MAP3K19: variants seen among roughly 807,000 people sequenced by gnomAD.
MAP3K19 encodes mitogen-activated protein kinase kinase kinase 19.
MAP3K19 carries 91 observed loss-of-function variants against 114.4 expected under a neutral mutation model. The ratio of observed to expected loss-of-function variants is 0.80; its 90% CI spans 0.67 to 0.95. The LOEUF is 0.95. MAP3K19 is among the 40% of genes least tolerant of loss of function. The probability of loss-of-function intolerance (pLI) is 0.00; values close to 1 mark genes in which losing one functional copy is unlikely to be tolerated. For synonymous variants in MAP3K19, 518 were observed against 530.5 expected (o/e 0.98, Z 0.32); for missense variants, 1,471 against 1,573.2 (o/e 0.94, Z 1.10).
Position 134,999,994 on chromosome 2 carries a change from A to T in MAP3K19, c.257T>A (p.Phe86Tyr). ...RTEGVEITVT[F>Y]PRDVSPPQEM... ...TTGGGGAGGACTGACATCTCTTGGA[A>T]AAGTTACAGTGATCTCAACACCTGT... Residue 86 changes from phenylalanine to tyrosine, a missense_variant, in exon 7 of 13, where the codon TTT becomes TAT. Physicochemically the swap from Phe to Tyr is conservative, Grantham distance 22 (BLOSUM62 3). Coordinates refer to ENST00000392915, the MANE Select transcript of MAP3K19 (RefSeq NM_025052.5). This position sits in a 1 kb window ranked among gnomAD's most constrained non-coding sequence, Gnocchi z 4.1. 6.2e-7 allele frequency: 1 copy of T among 1,611,324 alleles called. No homozygotes were observed. Among genetic ancestry groups the T allele is most frequent in the Non-Finnish European group, 8.5e-7 (1 of 1,177,458 alleles).
intron 2 of MAP3K19, among the ~76,000 whole-genome samples, chr2:135,033,810 CT>C (rs1210923190): frequency 3.5e-4 from 1 of 2,878 alleles, no homozygotes; most frequent in Non-Finnish European, 6.7e-4. Flanking sequence ...GACGGGGTGG[CT>C]GGCCGGGCGG....
At chr2:135,030,027 T>C (rs1042994965) in intron 3 of MAP3K19, among the ~76,000 whole-genome samples, 1 of 152,192 alleles carries the variant, frequency 6.6e-6, no homozygotes, top group African/African-American at 2.4e-5. Flanking sequence ...TTGATAGTGG[T>C]CCTCTGGAGG....
rs1688181036 is a variant in MAP3K19, at chr2:135,024,561, A to G, written c.22+65T>C. 5.6e-6 allele frequency: 8 copies of G among 1,417,380 alleles called. No homozygotes were observed. The Admixed American group carries it at 1.4e-4, about 24-fold the overall frequency. The allele number at this position is 1,417,380 out of a possible 1,614,324, so 87.8% of individuals were successfully genotyped here. A position where few individuals can be genotyped will look rare whatever the true frequency, so the allele number is the denominator to read the frequency against. ...ATGGATCCATCAAACAGATGTAGAA[A>G]AAGAAAGAGATCTAACAGGAATTTT... On this transcript the variant is annotated intron_variant, in intron 4 of 12. Transcript: ENST00000392915.
intron 5 of MAP3K19, among the ~76,000 whole-genome samples, chr2:135,006,848 G>A (rs532053572): frequency 3.9e-4 from 58 of 147,574 alleles, no homozygotes; most frequent in Middle Eastern, 3.9e-3. Context: ...GAGAGAGAGA[G>A]AAAAAAGAAA....
intron 2 of MAP3K19, among the ~76,000 whole-genome samples, chr2:135,031,032 T>C (rs1688367607): frequency 1.3e-5 from 2 of 152,044 alleles, no homozygotes; most frequent in African/African-American, 2.4e-5. Flanking sequence ...CTATTCAATA[T>C]GGTGAGGGGA....
At chr2:134,985,670 A>C (rs1685040100) in intron 10 of MAP3K19, 130 bp downstream of exon 10, 7 of 803,488 alleles carry the variant, frequency 8.7e-6, no homozygotes, top group Non-Finnish European at 1.3e-5. Context: ...GTGATCAAAC[A>C]GTGAGACCTT....
At chr2:134,983,509 C>A in intron 11 of MAP3K19, 167 bp downstream of exon 11, 1 of 614,144 alleles carries the variant, frequency 1.6e-6, no homozygotes. Context: ...CAGTAACTGT[C>A]CTTTCCCTCA....
Position 134,999,934 on chromosome 2 carries a change from T to C in MAP3K19, c.314+3A>G. ...ATCTGATACTTCAAAGAATATTCCT[T>C]ACTTCTTTTCTTTTAAGTCTTCTTG... On this transcript the variant is annotated splice_donor_region_variant and intron_variant, in intron 7 of 12. Transcript: ENST00000392915. The surrounding 1 kb of genome is among the most constrained non-coding windows in gnomAD (Gnocchi z 4.1). 1.3e-6 allele frequency: 2 copies of C among 1,581,488 alleles called. No homozygotes were observed. Among genetic ancestry groups the C allele is most frequent in the East Asian group, 4.5e-5 (2 of 44,690 alleles).
chr2:135,022,271 T>A (rs899216988), intron 4 of MAP3K19, among the ~76,000 whole-genome samples: 18 of 152,200 alleles, frequency 1.2e-4, no homozygotes, highest in South Asian at 8.3e-4. Context: ...TACGTCGTCA[T>A]TGCAAAACCC....
intron 8 of MAP3K19, among the ~76,000 whole-genome samples, chr2:134,993,500 G>A (rs1685757528): frequency 6.6e-6 from 1 of 152,158 alleles, no homozygotes; most frequent in Admixed American, 6.5e-5. Context: ...ATAGTTGTGG[G>A]CAGGAAAGAC....
At chr2:134,985,461 T>C (rs1240200996) in intron 10 of MAP3K19, among the ~76,000 whole-genome samples, 1 of 152,234 alleles carries the variant, frequency 6.6e-6, no homozygotes, top group Non-Finnish European at 1.5e-5. Flanking sequence ...TAATTATGTA[T>C]CTGCTGATAG....
chr2:134,990,816 T>G (rs74840461), intron 9 of MAP3K19, among the ~76,000 whole-genome samples: 21,219 of 152,208 alleles, frequency 0.14, 1,761 homozygotes, highest in Admixed American at 0.21. Context: ...TTGGCTTTAT[T>G]GTAAGAATAC....
chr2:134,997,093 C>T (rs1309427761), intron 8 of MAP3K19, among the ~76,000 whole-genome samples: 8 of 152,088 alleles, frequency 5.3e-5, no homozygotes, highest in Non-Finnish European at 1.2e-4. Flanking sequence ...CAAAAAAACG[C>T]TATCAAGATT....
rs1472049278 is a variant in MAP3K19 at position 134,986,956 on chromosome 2, A to G, written c.1916T>C (p.Leu639Pro). 6.2e-7 allele frequency: 1 copy of G among 1,613,910 alleles called. No homozygotes were observed. Among genetic ancestry groups the G allele is most frequent in the Non-Finnish European group, 8.5e-7 (1 of 1,180,008 alleles). The change falls in exon 10 of 13, where the codon CTA becomes CCA. Residue 639 changes from leucine (L) to proline (P), a missense_variant. Transcript: ENST00000392915. ...PLSVQPTEPR[L>P]NYLDLKYSDM... is the part of the protein sequence containing the mutation. ...ACTATACTTAAGATCTAGGTAATTT[A>G]GTCTTGGCTCTGTCGGTTGAACAGA...
At chr2:135,039,513 G>A (rs1395498531) in intron 2 of MAP3K19, among the ~76,000 whole-genome samples, 1 of 152,174 alleles carries the variant, frequency 6.6e-6, no homozygotes, top group Non-Finnish European at 1.5e-5. Flanking sequence ...AGTCTGGGCA[G>A]GTTGAGGCTG....
intron 5 of MAP3K19, among the ~76,000 whole-genome samples, chr2:135,011,328 G>A (rs1687211613): frequency 6.6e-6 from 1 of 151,278 alleles, no homozygotes; most frequent in South Asian, 2.1e-4. Flanking sequence ...ACGAGGTCAG[G>A]AGATCGAGAC....
intron 5 of MAP3K19, among the ~76,000 whole-genome samples, chr2:135,009,461 C>T (rs911485638): frequency 6.6e-6 from 1 of 151,800 alleles, no homozygotes; most frequent in Admixed American, 6.6e-5. Flanking sequence ...GACCTCAAAA[C>T]ACATTTCTAC....
rs1279831456 is a variant in MAP3K19 at position 134,986,208 on chromosome 2, A to C, written c.2664T>G (p.Thr888=). ...LSKVNASRIL[T]NDLEFDSVSD... is the part of the protein sequence containing the mutation. ...AAACACTATCAAACTCTAGATCATT[A>C]GTTAAAATTCGGCTGGCATTTACTT... Residue 888 remains threonine (T), a synonymous_variant, in exon 10 of 13, where the codon ACT becomes ACG. Coordinates refer to ENST00000392915, the MANE Select transcript of MAP3K19 (RefSeq NM_025052.5). 3.7e-6 allele frequency: 6 copies of C among 1,613,888 alleles called. No individual in the cohort carries two copies. The Admixed American group carries it at 5.0e-5, about 13-fold the overall frequency.
At chr2:135,039,733 A>G (rs1275997412) in intron 2 of MAP3K19, among the ~76,000 whole-genome samples, 1 of 151,980 alleles carries the variant, frequency 6.6e-6, no homozygotes, top group Non-Finnish European at 1.5e-5. Context: ...CCTCTCCCCA[A>G]CTCTACATGC....
Sources: allele counts gnomAD v4.1 joint callset (sites outside exome capture counted in the v4.1 genomes callset), GRCh38; gene constraint gnomAD v4.1.1; non-coding constraint Gnocchi (gnomAD v3.1); transcripts MANE v1.5; gene names NCBI Gene and HGNC (gene_info 2026-07-23, HGNC 2026-07-21).